PTPRG: variants seen among roughly 807,000 people sequenced by gnomAD.
The protein encoded by PTPRG is receptor-type tyrosine-protein phosphatase gamma.
A neutral mutation model predicts 165.3 loss-of-function variants in PTPRG; 102 were observed. That is an observed-to-expected ratio of 0.62 (90% CI 0.53 to 0.73). PTPRG has a LOEUF of 0.73. Among genes scored for constraint, PTPRG ranks in the 30% least tolerant of loss-of-function variants. The pLI is 0.00. For synonymous variants in PTPRG, 675 were observed against 669.5 expected (o/e 1.01, Z -0.13); for missense variants, 1,866 against 1,861.4 (o/e 1.00, Z -0.05).
At chr3:62,122,428 GA>G (rs1703109855) in intron 5 of PTPRG, among the ~76,000 whole-genome samples, 1 of 152,132 alleles carries the variant, frequency 6.6e-6, no homozygotes, top group African/African-American at 2.4e-5. Flanking sequence ...TACATTATGA[GA>G]GCAATCATTC....
In PTPRG at chr3:62,229,569, T is replaced by C. The variant is rs1700846300; in HGVS notation, c.2289-1656T>C. 6.6e-6 allele frequency among the ~76,000 whole-genome samples: 1 copy of C among 152,172 alleles called. No homozygotes were observed. Among genetic ancestry groups the C allele is most frequent in the East Asian group, 1.9e-4 (1 of 5,196 alleles). ...TTCTGTTAGGGAAGCGGTGGGTGGGTAAATTTTTAAACCAAGCTTACTTTT... is the reference window on the plus strand; with the variant it reads ...TTCTGTTAGGGAAGCGGTGGGTGGGCAAATTTTTAAACCAAGCTTACTTTT... On this transcript the variant is annotated intron_variant, in intron 13 of 29. Transcript: ENST00000474889. This position sits in a 1 kb window ranked among gnomAD's most constrained non-coding sequence, Gnocchi z 4.6.
At chr3:61,622,114 C>A (rs932660414) in intron 1 of PTPRG, among the ~76,000 whole-genome samples, 1 of 152,152 alleles carries the variant, frequency 6.6e-6, no homozygotes, top group African/African-American at 2.4e-5. Flanking sequence ...TTCCTTTTCC[C>A]GCCTAAGTTA....
intron 1 of PTPRG, among the ~76,000 whole-genome samples, chr3:61,667,648 A>C (rs1234929648): frequency 6.6e-6 from 1 of 152,122 alleles, no homozygotes; most frequent in East Asian, 1.9e-4. Flanking sequence ...ATTACCGGCT[A>C]ATAAATGTCA....
chr3:61,568,907 CAAA>C (rs34433806), intron 1 of PTPRG, among the ~76,000 whole-genome samples: 56 of 131,044 alleles, frequency 4.3e-4, no homozygotes, highest in South Asian at 7.1e-4. Flanking sequence ...GACTCCGTCT[CAAA>C]AAAAAAAAAA....
chr3:61,814,851 A>G (rs1208797738), intron 2 of PTPRG, among the ~76,000 whole-genome samples: 4 of 151,632 alleles, frequency 2.6e-5, no homozygotes, highest in Admixed American at 2.6e-4. Flanking sequence ...TGATTTGCAT[A>G]CCTGGTATCA....
At chr3:61,993,693 A>G (rs1042329302) in intron 3 of PTPRG, among the ~76,000 whole-genome samples, 4 of 152,178 alleles carry the variant, frequency 2.6e-5, no homozygotes, top group Non-Finnish European at 5.9e-5. Context: ...TGTGCCATCC[A>G]TTTTATATCT....
intron 2 of PTPRG, among the ~76,000 whole-genome samples, chr3:61,782,055 A>G (rs1305080943): frequency 1.3e-5 from 2 of 152,164 alleles, no homozygotes; most frequent in Non-Finnish European, 2.9e-5. Flanking sequence ...GGACATGACC[A>G]TTGCAACCTC....
At chr3:62,212,247 CACTGGGGGAGT>C (rs1700376089) in intron 12 of PTPRG, among the ~76,000 whole-genome samples, 1 of 152,160 alleles carries the variant, frequency 6.6e-6, no homozygotes, top group Non-Finnish European at 1.5e-5. Context: ...ACATTACATC[CACTGGGGGAGT>C]ACTGGGTATC....
Position 62,273,957 on chromosome 3 carries a change from T to C in PTPRG, c.3465+113T>C. 1 of 928,074 alleles carries C rather than the reference T, an allele frequency of 1.1e-6. No individual in the cohort carries two copies. Among genetic ancestry groups the C allele is most frequent in the Non-Finnish European group, 1.6e-6 (1 of 622,342 alleles). 57.5% of individuals were successfully genotyped at this position (928,074 alleles called of 1,614,324 possible). On this transcript the variant is annotated intron_variant, in intron 23 of 29. Transcript: ENST00000474889. The surrounding 1 kb of genome is among the most constrained non-coding windows in gnomAD (Gnocchi z 4.1). Reference sequence around the variant, plus strand: ...TGTATACACCGAAATGGATTACTATTTGTACTCCTTGTACTCCTTAAATGT... The same window carrying C: ...TGTATACACCGAAATGGATTACTATCTGTACTCCTTGTACTCCTTAAATGT...
chr3:62,001,396 C>T (rs2041169304), intron 3 of PTPRG, among the ~76,000 whole-genome samples: 1 of 151,922 alleles, frequency 6.6e-6, no homozygotes, highest in African/African-American at 2.4e-5. Context: ...CTGCTGATTC[C>T]CTGGGTGTAT....
intron 6 of PTPRG, among the ~76,000 whole-genome samples, chr3:62,152,464 G>A (rs896019675): frequency 1.3e-5 from 2 of 152,192 alleles, no homozygotes; most frequent in African/African-American, 4.8e-5. Context: ...CACCAGTCTT[G>A]AGTCTGGCCA....
chr3:61,845,405 C>T (rs1222984347), intron 2 of PTPRG, among the ~76,000 whole-genome samples: 1 of 152,190 alleles, frequency 6.6e-6, no homozygotes, highest in Non-Finnish European at 1.5e-5. Flanking sequence ...ACAGCAGAGA[C>T]TGTTGCTTTA....
At chr3:61,759,854 A>G (rs984240743) in intron 2 of PTPRG, among the ~76,000 whole-genome samples, 1 of 151,796 alleles carries the variant, frequency 6.6e-6, no homozygotes, top group Non-Finnish European at 1.5e-5. Context: ...GGTCTTTAAC[A>G]TCTCTCTGTC....
At chr3:61,696,707 G>C (rs1396419491) in intron 1 of PTPRG, among the ~76,000 whole-genome samples, 1 of 152,192 alleles carries the variant, frequency 6.6e-6, no homozygotes, top group South Asian at 2.1e-4. Context: ...CCGGGGAAGC[G>C]ACTAGAGCCC....
At chr3:61,851,661 T>G (rs148878424) in intron 2 of PTPRG, among the ~76,000 whole-genome samples, 1,746 of 152,312 alleles carry the variant, frequency 0.011, 35 homozygotes, top group African/African-American at 0.039. Context: ...TTAAAGCACA[T>G]TTAAATTTTA....
At chr3:61,906,103 G>A (rs907323019) in intron 2 of PTPRG, among the ~76,000 whole-genome samples, 1 of 151,674 alleles carries the variant, frequency 6.6e-6, no homozygotes, top group African/African-American at 2.4e-5. Context: ...TTTTTTTGCT[G>A]TGGAGAAAGT....
chr3:62,124,344 G>A, intron 5 of PTPRG: 1 of 1,612,306 alleles, frequency 6.2e-7, no homozygotes, highest in Admixed American at 1.7e-5. Context: ...CTCTGGTGAT[G>A]CAGGCTGACA....
At chr3:61,906,016 G>A (rs547515837) in intron 2 of PTPRG, among the ~76,000 whole-genome samples, 201 of 152,280 alleles carry the variant, frequency 1.3e-3, no homozygotes, top group Non-Finnish European at 6.8e-4. Flanking sequence ...AGAGAGACAT[G>A]AATACATGGA....
chr3:62,169,188 G>T (rs751386027), intron 8 of PTPRG, among the ~76,000 whole-genome samples: 1 of 152,036 alleles, frequency 6.6e-6, no homozygotes, highest in African/African-American at 2.4e-5. Context: ...TTCACTTAGG[G>T]CCCAAGGGTC....
Sources: gnomAD v4.1 joint callset for allele counts (sites outside exome capture counted in the v4.1 genomes callset) on GRCh38, gnomAD v4.1.1 for gene constraint, Gnocchi (gnomAD v3.1) non-coding constraint, MANE v1.5 for transcripts, NCBI Gene and HGNC (gene_info 2026-07-23, HGNC 2026-07-21) for gene names.